ACOXL: variants seen among roughly 807,000 people sequenced by gnomAD.
ACOXL encodes acyl-coenzyme A oxidase-like protein.
In ACOXL, 70 loss-of-function variants were observed where a neutral mutation model predicts 71.9. That is an observed-to-expected ratio of 0.97 (90% CI 0.80 to 1.19). ACOXL has a LOEUF of 1.19. ACOXL is among the 50% of genes most tolerant of loss of function. The pLI is 0.00. For synonymous variants in ACOXL, 253 were observed against 281.6 expected (o/e 0.90, Z 1.02); for missense variants, 703 against 736.3 (o/e 0.95, Z 0.52).
intron 11 of ACOXL, among the ~76,000 whole-genome samples, chr2:110,925,315 C>A (rs1234661304): frequency 1.3e-5 from 2 of 152,206 alleles, no homozygotes; most frequent in African/African-American, 4.8e-5. Flanking sequence ...GAAGTAGGTA[C>A]TGATGAAAGT....
At chr2:110,841,961 C>T (rs902344957) in intron 10 of ACOXL, among the ~76,000 whole-genome samples, 2 of 152,124 alleles carry the variant, frequency 1.3e-5, no homozygotes, top group Non-Finnish European at 2.9e-5. Flanking sequence ...TGTCAAAATG[C>T]GTTGAGATGT....
intron 2 of ACOXL, among the ~76,000 whole-genome samples, chr2:110,776,631 A>G (rs964590749): frequency 2.6e-5 from 4 of 152,030 alleles, no homozygotes; most frequent in African/African-American, 4.8e-5. Flanking sequence ...GGGCTTGTTA[A>G]TGGAATGTCA....
chr2:111,081,359 C>T (rs1251300075), intron 16 of ACOXL, among the ~76,000 whole-genome samples: 1 of 152,206 alleles, frequency 6.6e-6, no homozygotes, highest in Non-Finnish European at 1.5e-5. Flanking sequence ...AAATCACAAA[C>T]ATTCCTATAC....
rs529431066 is a variant in ACOXL at position 111,117,238 on chromosome 2, A to C, written c.1543-378A>C. Among the ~76,000 whole-genome samples, 71 of 152,320 alleles carry C rather than the reference A, an allele frequency of 4.7e-4. 1 individual carries two copies. The South Asian group carries it at 9.7e-3, about 21-fold the overall frequency. On this transcript the variant is annotated intron_variant, in intron 17 of 17. Transcript: ENST00000439055. ...CCAGAGGTGGAGAGGAGGGGACGAC[A>C]GGGGAGGCAAAGAGAGAGGAGCGGA... is the stretch of plus-strand genomic sequence containing the variant.
intron 14 of ACOXL, among the ~76,000 whole-genome samples, chr2:111,030,470 A>G (rs920479707): frequency 3.9e-5 from 6 of 152,178 alleles, no homozygotes; most frequent in Non-Finnish European, 5.9e-5. Context: ...TTGTCCTCCA[A>G]ACTGTGCCTG....
rs566167802 is a variant in ACOXL, at chr2:110,880,981, A to T, written c.789-27808A>T. On this transcript the variant is annotated intron_variant, in intron 10 of 17. Transcript: ENST00000439055. Reference sequence around the variant, plus strand: ...GAAGAACTTCCTCATGTGGGACTACACAAATATCTCCGAATTTTTCTTTCT... The same window carrying T: ...GAAGAACTTCCTCATGTGGGACTACTCAAATATCTCCGAATTTTTCTTTCT... Among the ~76,000 whole-genome samples, 8 of 152,334 alleles carry T rather than the reference A, an allele frequency of 5.3e-5. No homozygotes were observed. The South Asian group carries it at 1.7e-3, about 32-fold the overall frequency.
intron 10 of ACOXL, among the ~76,000 whole-genome samples, chr2:110,870,457 G>A (rs953695878): frequency 2.0e-5 from 3 of 152,146 alleles, no homozygotes; most frequent in Non-Finnish European, 4.4e-5. Flanking sequence ...TGAATTCCAG[G>A]GGCAGGAGGG....
intron 13 of ACOXL, among the ~76,000 whole-genome samples, chr2:110,988,691 A>G (rs1045568775): frequency 5.9e-5 from 9 of 152,142 alleles, no homozygotes; most frequent in Non-Finnish European, 1.5e-5. Flanking sequence ...TGGTACTATC[A>G]GACTTCTTAA....
chr2:111,087,951 AAAAC>A (rs1574722347), intron 16 of ACOXL, among the ~76,000 whole-genome samples: 1 of 152,192 alleles, frequency 6.6e-6, no homozygotes, highest in South Asian at 2.1e-4. Flanking sequence ...TTATAAGACA[AAAAC>A]AAACAACCCC....
chr2:110,894,414 T>A (rs773368602), intron 10 of ACOXL, among the ~76,000 whole-genome samples: 8 of 151,296 alleles, frequency 5.3e-5, no homozygotes, highest in Non-Finnish European at 5.9e-5. Flanking sequence ...CAGAAAACTT[T>A]TAGCCAAATG....
chr2:110,933,295 T>G (rs564628223), intron 11 of ACOXL, among the ~76,000 whole-genome samples, 194 bp from the exon 12 acceptor site: 11 of 152,352 alleles, frequency 7.2e-5, no homozygotes, highest in Non-Finnish European at 1.2e-4. Flanking sequence ...AATTAAATAA[T>G]TTTTAGGTTT....
intron 11 of ACOXL, among the ~76,000 whole-genome samples, chr2:110,913,969 G>A (rs2059745633): frequency 6.6e-6 from 1 of 152,144 alleles, no homozygotes; most frequent in Non-Finnish European, 1.5e-5. Flanking sequence ...ATTACAATAT[G>A]AGATGTGGAG....
intron 3 of ACOXL, among the ~76,000 whole-genome samples, chr2:110,786,786 G>C (rs1248988035): frequency 6.6e-6 from 1 of 152,144 alleles, no homozygotes; most frequent in Non-Finnish European, 1.5e-5. Context: ...GACTTAAGAA[G>C]CATTTTAACC....
At chr2:110,872,712 G>C (rs1695426695) in intron 10 of ACOXL, among the ~76,000 whole-genome samples, 1 of 152,258 alleles carries the variant, frequency 6.6e-6, no homozygotes, top group Non-Finnish European at 1.5e-5. Flanking sequence ...TTAAGGTCTA[G>C]TTGGAGGCCC....
intron 10 of ACOXL, among the ~76,000 whole-genome samples, chr2:110,908,504 A>G (rs1387658964): frequency 6.6e-6 from 1 of 152,230 alleles, no homozygotes; most frequent in Non-Finnish European, 1.5e-5. Flanking sequence ...ATAAAATGTC[A>G]TGTAAATGTT....
intron 10 of ACOXL, among the ~76,000 whole-genome samples, chr2:110,883,144 C>CTGT (rs1011899242): frequency 7.5e-6 from 1 of 133,998 alleles, no homozygotes; most frequent in African/African-American, 2.7e-5. Context: ...CGATCTCACT[C>CTGT]TGTTGCCCAG....
At chr2:110,930,205 G>A (rs898986765) in intron 11 of ACOXL, among the ~76,000 whole-genome samples, 3 of 152,212 alleles carry the variant, frequency 2.0e-5, no homozygotes, top group Non-Finnish European at 4.4e-5. Flanking sequence ...CAAGACCATG[G>A]GAACCCACCT....
chr2:110,759,667 T>A lies in ACOXL; in HGVS notation c.-22-8701T>A, dbSNP rs189534621. Among the ~76,000 whole-genome samples, 107 of 152,340 alleles carry A rather than the reference T, an allele frequency of 7.0e-4. 1 individual carries two copies. The East Asian group carries it at 0.02, about 29-fold the overall frequency. The stretch of plus-strand genomic sequence containing the variant: ...CCCATTTTATTGTCTGCAAAGATCA[T>A]ACTTCCATGGGTTTAGAGTTTTCCT... On this transcript the variant is annotated intron_variant, in intron 1 of 17. Coordinates refer to ENST00000439055, the MANE Select transcript of ACOXL (RefSeq NM_001142807.4).
At chr2:110,901,259 A>C (rs1198881659) in intron 10 of ACOXL, among the ~76,000 whole-genome samples, 1 of 151,974 alleles carries the variant, frequency 6.6e-6, no homozygotes, top group African/African-American at 2.4e-5. Context: ...GAAGAGCTAC[A>C]CTCTCTGGCC....
Sources: allele counts gnomAD v4.1 joint callset (sites outside exome capture counted in the v4.1 genomes callset), GRCh38; gene constraint gnomAD v4.1.1; transcripts MANE v1.5; gene names NCBI Gene and HGNC (gene_info 2026-07-23, HGNC 2026-07-21).